The following GHR variants were observed in gnomAD, a reference collection of about 807,000 sequenced individuals.
GHR encodes growth hormone receptor.
A neutral mutation model predicts 67.1 loss-of-function variants in GHR; 35 were observed. The observed-to-expected ratio is 0.52, with a 90% CI of 0.40 to 0.69. The LOEUF is 0.69. Among genes scored for constraint, GHR ranks in the 30% least tolerant of loss-of-function variants. The probability of loss-of-function intolerance (pLI) is 0.00; values close to 1 mark genes in which losing one functional copy is unlikely to be tolerated. For synonymous variants in GHR, 272 were observed against 269.1 expected (o/e 1.01, Z -0.10); for missense variants, 792 against 764.6 (o/e 1.04, Z -0.42).
chr5:42,450,227 G>T (rs959358458), intron 1 of GHR, among the ~76,000 whole-genome samples: 1 of 152,116 alleles, frequency 6.6e-6, no homozygotes, highest in African/African-American at 2.4e-5. Flanking sequence ...ATGTCAGATA[G>T]AATTCAGCTG....
chr5:42,500,696 A>G (rs867286058), intron 1 of GHR, among the ~76,000 whole-genome samples: 2 of 152,208 alleles, frequency 1.3e-5, no homozygotes, highest in African/African-American at 2.4e-5. Context: ...GTGAAGACAG[A>G]GAACTCAAAA....
intron 2 of GHR, among the ~76,000 whole-genome samples, chr5:42,600,528 C>G (rs937579985): frequency 6.6e-6 from 1 of 152,220 alleles, no homozygotes. Context: ...CTGAGGCAAT[C>G]CCTCAAAGGA....
chr5:42,607,128 T>C (rs1752667151), intron 2 of GHR, among the ~76,000 whole-genome samples: 1 of 152,148 alleles, frequency 6.6e-6, no homozygotes, highest in African/African-American at 2.4e-5. Context: ...CCATGTAAGA[T>C]TTGCCTTGCT....
At chr5:42,668,151 C>CA (rs1756090501) in intron 3 of GHR, among the ~76,000 whole-genome samples, 1 of 152,034 alleles carries the variant, frequency 6.6e-6, no homozygotes, top group Non-Finnish European at 1.5e-5. Flanking sequence ...GTGATCATCT[C>CA]AAAAAATATC....
chr5:42,438,390 GA>G (rs752396104), intron 1 of GHR, among the ~76,000 whole-genome samples: 4 of 152,114 alleles, frequency 2.6e-5, no homozygotes, highest in South Asian at 2.1e-4. Flanking sequence ...CTCCCTCCAA[GA>G]AGTGGAATTT....
intron 3 of GHR, among the ~76,000 whole-genome samples, chr5:42,671,571 A>C (rs951623265): frequency 1.3e-5 from 2 of 151,990 alleles, no homozygotes; most frequent in East Asian, 3.9e-4. Context: ...AAACAGAATT[A>C]TAAACAAAAA....
In GHR at chr5:42,635,692, A is replaced by T. The variant is rs574928198; in HGVS notation, c.136+6589A>T. ...TCAACTTCAAGCAATTTTCTGAGCAATGATAAGTGGTAAGTAGATATTTAC... is the reference window on the plus strand; with the variant it reads ...TCAACTTCAAGCAATTTTCTGAGCATTGATAAGTGGTAAGTAGATATTTAC... On this transcript the variant is annotated intron_variant, in intron 3 of 9. Transcript: ENST00000230882. 3.9e-5 allele frequency among the ~76,000 whole-genome samples: 6 copies of T among 152,324 alleles called. No individual in the cohort carries two copies. In the South Asian group the frequency reaches 1.2e-3, roughly 32 times the overall value.
At position 42,467,528 on chromosome 5, in the gene GHR, C is replaced by A; in HGVS notation, c.-12+43573C>A. 4 of 1,285,528 alleles carry A rather than the reference C, an allele frequency of 3.1e-6. No homozygotes were observed. The South Asian group carries it at 3.6e-5, about 12-fold the overall frequency. 79.6% of individuals were successfully genotyped at this position (1,285,528 alleles called of 1,614,324 possible). ...GCAAGTTGTGAGCTATAACTAAAGG[C>A]TTTCTCACATTTACTACGCCTAAAG... On this transcript the variant is annotated intron_variant, in intron 1 of 9. Transcript: ENST00000230882.
intron 2 of GHR, among the ~76,000 whole-genome samples, chr5:42,602,386 T>C (rs1481773231): frequency 6.6e-6 from 1 of 152,118 alleles, no homozygotes; most frequent in Admixed American, 6.5e-5. Context: ...TCACTTACCT[T>C]TTACTGTATG....
intron 3 of GHR, among the ~76,000 whole-genome samples, chr5:42,648,608 G>T (rs1754861549): frequency 6.6e-6 from 1 of 151,794 alleles, no homozygotes; most frequent in African/African-American, 2.4e-5. Context: ...CGGAAATCTG[G>T]GAATTCAGTT....
chr5:42,572,652 C>T (rs1272404210), intron 2 of GHR, among the ~76,000 whole-genome samples: 2 of 152,168 alleles, frequency 1.3e-5, no homozygotes, highest in African/African-American at 4.8e-5. Flanking sequence ...CAGGATGAAG[C>T]CACAGTGTTT....
At chr5:42,443,942 T>C (rs773830670) in intron 1 of GHR, among the ~76,000 whole-genome samples, 15 of 146,286 alleles carry the variant, frequency 1.0e-4, no homozygotes, top group Non-Finnish European at 1.5e-4. Flanking sequence ...GCCAAGGTGA[T>C]ATAGATATAG....
At chr5:42,497,546 T>A (rs1203045930) in intron 1 of GHR, among the ~76,000 whole-genome samples, 1 of 152,196 alleles carries the variant, frequency 6.6e-6, no homozygotes, top group East Asian at 1.9e-4. Context: ...GGAGATGCCA[T>A]TTAATTGGAA....
intron 5 of GHR, among the ~76,000 whole-genome samples, chr5:42,697,629 C>G (rs545299326): frequency 1.3e-5 from 2 of 152,232 alleles, no homozygotes; most frequent in African/African-American, 4.8e-5. Flanking sequence ...GTGGAGTGGG[C>G]ACAGAGTGAG....
intron 1 of GHR, among the ~76,000 whole-genome samples, chr5:42,550,607 C>T (rs1379431522): frequency 6.6e-6 from 1 of 152,186 alleles, no homozygotes; most frequent in African/African-American, 2.4e-5. Flanking sequence ...AACCACTTCA[C>T]ACATCTCAAT....
In GHR at chr5:42,430,607, CGT is replaced by C. The variant is rs141602161; in HGVS notation, c.-12+6681_-12+6682del. On this transcript the variant is annotated intron_variant, in intron 1 of 9. Coordinates refer to ENST00000230882, the MANE Select transcript of GHR (RefSeq NM_000163.5). ...TAGATAAAATTGTCCATGCTAGTCC[CGT>C]GTGTGTGTGTGTGTGTGTGTGTGTG... Among the ~76,000 whole-genome samples the C allele has an allele frequency of 5.1e-3, 759 of 147,466 alleles. 4 individuals carry two copies. Among genetic ancestry groups the C allele is most frequent in the African/African-American group, 0.015 (608 of 39,834 alleles).
At chr5:42,486,869 C>G (rs1745909710) in intron 1 of GHR, among the ~76,000 whole-genome samples, 1 of 151,058 alleles carries the variant, frequency 6.6e-6, no homozygotes, top group African/African-American at 2.4e-5. Context: ...AAAAAGAAAC[C>G]AAATTTAACT....
chr5:42,688,450 T>G (rs565235510), intron 3 of GHR, among the ~76,000 whole-genome samples: 1 of 152,176 alleles, frequency 6.6e-6, no homozygotes. Context: ...ACACAGCTTC[T>G]CAAAGGAGCC....
intron 1 of GHR, among the ~76,000 whole-genome samples, chr5:42,447,258 C>G (rs1743843667): frequency 6.6e-6 from 1 of 152,080 alleles, no homozygotes; most frequent in Non-Finnish European, 1.5e-5. Context: ...AAGCAGTATA[C>G]ACTGTACCCA....
Sources: allele counts gnomAD v4.1 joint callset (sites outside exome capture counted in the v4.1 genomes callset), GRCh38; gene constraint gnomAD v4.1.1; transcripts MANE v1.5; gene names NCBI Gene and HGNC (gene_info 2026-07-23, HGNC 2026-07-21).